KCTD7: variants seen among roughly 807,000 people sequenced by gnomAD.
KCTD7 encodes potassium channel tetramerization domain containing 7, also known as BTB/POZ domain-containing protein KCTD7.
Under a neutral mutation model 27.0 loss-of-function variants are expected in KCTD7, and 15 were observed. The observed-to-expected ratio is 0.56, with a 90% CI of 0.37 to 0.86. KCTD7 has a LOEUF of 0.86. Ranked by LOEUF, KCTD7 falls within the 40% of genes least tolerant of loss-of-function variation. The probability of loss-of-function intolerance (pLI) is 0.00; values close to 1 mark genes in which losing one functional copy is unlikely to be tolerated. For synonymous variants in KCTD7, 159 were observed against 162.7 expected, an observed-to-expected ratio of 0.98 and a Z score of 0.17; for missense variants, 299 against 398.9, an observed-to-expected ratio of 0.75 and a Z score of 2.13.
intron 3 of KCTD7, chr7:66,638,650 C>T (rs1786640607): frequency 1.2e-5 from 9 of 781,522 alleles, no homozygotes; most frequent in Non-Finnish European, 1.8e-5. Flanking sequence ...GAAGGACAGC[C>T]CTCGTCCCAT....
rs1051313975 is a variant in KCTD7, at chr7:66,641,600, G to A, written c.*2368G>A. On this transcript the variant is annotated 3_prime_UTR_variant, in exon 4 of 4. Transcript: ENST00000639828. Reference sequence around the variant, plus strand: ...AATCCCTGTTTCTCTGACTCCCTTTGTGATCCTCACAGTAATGTATTCTGT... The same window carrying A: ...AATCCCTGTTTCTCTGACTCCCTTTATGATCCTCACAGTAATGTATTCTGT... The A allele has an allele frequency of 1.0e-6, 1 of 985,298 alleles. No individual in the cohort carries two copies. The highest frequency in any genetic ancestry group is 1.2e-6 in the Non-Finnish European group (1 of 829,944). The allele number at this position is 985,298 out of a possible 1,614,324, so 61.0% of individuals were successfully genotyped here.
Position 66,628,994 on chromosome 7 carries a change from G to T in KCTD7, c.-71G>T, listed in dbSNP as rs1786377239. 2 of 1,430,038 alleles carry T rather than the reference G, an allele frequency of 1.4e-6. No homozygotes were observed. The highest frequency in any genetic ancestry group is 1.5e-5 in the African/African-American group (1 of 67,070). The allele number at this position is 1,430,038 out of a possible 1,614,324, so 88.6% of individuals were successfully genotyped here. On this transcript the variant is annotated 5_prime_UTR_variant, in exon 1 of 4. Transcript: ENST00000639828. ...GGCCGCGTCATGCCAGGCGCTGCTCGGCGGTAGGGAGTGCCCGGGGCCGCC... is the reference window on the plus strand; with the variant it reads ...GGCCGCGTCATGCCAGGCGCTGCTCTGCGGTAGGGAGTGCCCGGGGCCGCC...
At chr7:66,633,615 A>G (rs947473989) in intron 2 of KCTD7, among the ~76,000 whole-genome samples, 171 bp downstream of exon 2, 19 of 150,466 alleles carry the variant, frequency 1.3e-4, no homozygotes, top group Non-Finnish European at 2.4e-4. Flanking sequence ...TTTTTTGCCA[A>G]AGGAGACAAA....
intron 3 of KCTD7, 182 bp from the exon 4 acceptor site, chr7:66,638,674 C>T: frequency 1.2e-5 from 10 of 818,348 alleles, no homozygotes; most frequent in Non-Finnish European, 1.9e-5. Flanking sequence ...CTTCCCTTTG[C>T]TGTGGAGAAC....
Position 66,640,543 on chromosome 7 carries a change from G to A in KCTD7, c.*1311G>A. 2.0e-6 allele frequency: 3 copies of A among 1,471,796 alleles called. No individual in the cohort carries two copies. Among genetic ancestry groups the A allele is most frequent in the Non-Finnish European group, 1.8e-6 (2 of 1,116,088 alleles). The allele number at this position is 1,471,796 out of a possible 1,614,324, so 91.2% of individuals were successfully genotyped here. A position where few individuals can be genotyped will look rare whatever the true frequency, so the allele number is the denominator to read the frequency against. On this transcript the variant is annotated 3_prime_UTR_variant, in exon 4 of 4. Coordinates refer to ENST00000639828, the MANE Select transcript of KCTD7 (RefSeq NM_153033.5). ...GATCACAATGTAACATTTCCATGCTGCATTAAGGGTGTCTCTCTCTAATCA... is the reference window on the plus strand; with the variant it reads ...GATCACAATGTAACATTTCCATGCTACATTAAGGGTGTCTCTCTCTAATCA...
chr7:66,632,441 C>A (rs1320602638), intron 1 of KCTD7, among the ~76,000 whole-genome samples: 4 of 145,092 alleles, frequency 2.8e-5, no homozygotes, highest in Non-Finnish European at 6.0e-5. Context: ...GAGCCGAGAT[C>A]GCGCCACTGA....
chr7:66,640,213 C>T lies in KCTD7; in HGVS notation c.*981C>T, dbSNP rs1339451324. 2.1e-6 allele frequency: 3 copies of T among 1,447,632 alleles called. No individual in the cohort carries two copies. Among genetic ancestry groups the T allele is most frequent in the Non-Finnish European group, 2.7e-6 (3 of 1,108,370 alleles). The allele number at this position is 1,447,632 out of a possible 1,614,324, so 89.7% of individuals were successfully genotyped here. A position where few individuals can be genotyped will look rare whatever the true frequency, so the allele number is the denominator to read the frequency against. On this transcript the variant is annotated 3_prime_UTR_variant, in exon 4 of 4. Transcript: ENST00000639828. ...TAACATTCTCCTTCTAGGAGAGCCT[C>T]TCTTCTGAGAAGGTAAAGGAAGGGC...
At chr7:66,633,183 T>C in intron 1 of KCTD7, 92 bp from the exon 2 acceptor site, 1 of 1,278,692 alleles carries the variant, frequency 7.8e-7, no homozygotes. Context: ...ATGAATGGTG[T>C]GGCACCAATC....
Position 66,642,082 on chromosome 7 carries a change from G to T in KCTD7, c.*2850G>T. The T allele has an allele frequency of 1.0e-6, 1 of 985,416 alleles. No individual in the cohort carries two copies. The highest frequency in any genetic ancestry group is 1.2e-6 in the Non-Finnish European group (1 of 829,936). The allele number at this position is 985,416 out of a possible 1,614,324, so 61.0% of individuals were successfully genotyped here. On this transcript the variant is annotated 3_prime_UTR_variant, in exon 4 of 4. Coordinates refer to ENST00000639828, the MANE Select transcript of KCTD7 (RefSeq NM_153033.5). The stretch of plus-strand genomic sequence containing the variant: ...AGTCAAAGCAAAGTGAAAGTTTCAG[G>T]AGATGGGACCAATGGTGCAATGCTC...
At position 66,628,996 on chromosome 7, in the gene KCTD7, C is replaced by T. The variant is rs536230559; in HGVS notation, c.-69C>T. 3.1e-4 allele frequency: 448 copies of T among 1,438,066 alleles called. 2 individuals are homozygous for T. Among genetic ancestry groups the T allele is most frequent in the Middle Eastern group, 2.0e-3 (9 of 4,472 alleles). 89.1% of individuals were successfully genotyped at this position (1,438,066 alleles called of 1,614,324 possible). A position where few individuals can be genotyped will look rare whatever the true frequency, so the allele number is the denominator to read the frequency against. On this transcript the variant is annotated 5_prime_UTR_variant, in exon 1 of 4. Coordinates refer to ENST00000639828, the MANE Select transcript of KCTD7 (RefSeq NM_153033.5). ...CCGCGTCATGCCAGGCGCTGCTCGG[C>T]GGTAGGGAGTGCCCGGGGCCGCCGC...
chr7:66,638,608 C>A, intron 3 of KCTD7, 177 bp downstream of exon 3: 2 of 826,110 alleles, frequency 2.4e-6, no homozygotes, highest in Non-Finnish European at 3.8e-6. Context: ...GTGGGCCTAC[C>A]TGGCCTATGA....
At position 66,631,527 on chromosome 7, in the gene KCTD7, C is replaced by A. The variant is rs544224996; in HGVS notation, c.145-1748C>A. ...GAGGTTGCAGTGAACCGAGATCGTG[C>A]CATTGCACTCCAGCCTGGGTGTTGC... On this transcript the variant is annotated intron_variant, in intron 1 of 3. Transcript: ENST00000639828. 1.3e-4 allele frequency among the ~76,000 whole-genome samples: 19 copies of A among 151,128 alleles called. 1 individual carries two copies. In the South Asian group the frequency reaches 3.8e-3, roughly 30 times the overall value.
chr7:66,635,743 C>T (rs1409084382), intron 2 of KCTD7, among the ~76,000 whole-genome samples: 1 of 148,988 alleles, frequency 6.7e-6, no homozygotes, highest in Non-Finnish European at 1.5e-5. Flanking sequence ...AGTGGGCTAT[C>T]AGCTGCCTCC....
At chr7:66,630,170 G>T (rs1786413938) in intron 1 of KCTD7, among the ~76,000 whole-genome samples, 1 of 152,166 alleles carries the variant, frequency 6.6e-6, no homozygotes, top group Non-Finnish European at 1.5e-5. Flanking sequence ...AGGAAGGTGA[G>T]TTGGGAGGAT....
rs144828027 is a variant in KCTD7 at position 66,642,470 on chromosome 7, G to A, written c.*3238G>A. ...AAGTGACATTTATAAGACACAGGCG[G>A]TGTGAGCATCCATGTGTGGTCTTGG... On this transcript the variant is annotated 3_prime_UTR_variant, in exon 4 of 4. Coordinates refer to ENST00000639828, the MANE Select transcript of KCTD7 (RefSeq NM_153033.5). 4.8e-3 allele frequency: 4,754 copies of A among 985,446 alleles called. 13 individuals are homozygous for A. The highest frequency in any genetic ancestry group is 5.2e-3 in the Non-Finnish European group (4,319 of 829,942). The allele number at this position is 985,446 out of a possible 1,614,324, so 61.0% of individuals were successfully genotyped here. A position where few individuals can be genotyped will look rare whatever the true frequency, so the allele number is the denominator to read the frequency against.
chr7:66,632,418 C>T (rs1177735858), intron 1 of KCTD7, among the ~76,000 whole-genome samples: 12 of 144,320 alleles, frequency 8.3e-5, no homozygotes, highest in African/African-American at 2.6e-4. Flanking sequence ...ACCCGAGAGG[C>T]GGAGGTTGCA....
intron 2 of KCTD7, among the ~76,000 whole-genome samples, chr7:66,637,383 G>A (rs1786612187): frequency 6.6e-6 from 1 of 152,100 alleles, no homozygotes; most frequent in Non-Finnish European, 1.5e-5. Flanking sequence ...ACCGTGCCTG[G>A]CCTAAAGGTC....
Position 66,639,372 on chromosome 7 carries a change from G to C in KCTD7, c.*140G>C. 1.9e-6 allele frequency: 3 copies of C among 1,544,270 alleles called. No individual in the cohort carries two copies. Among genetic ancestry groups the C allele is most frequent in the Non-Finnish European group, 2.6e-6 (3 of 1,149,986 alleles). On this transcript the variant is annotated 3_prime_UTR_variant, in exon 4 of 4. Coordinates refer to ENST00000639828, the MANE Select transcript of KCTD7 (RefSeq NM_153033.5). Reference sequence around the variant, plus strand: ...CAGCATCCTGAGGCACAGCTCCCAGGGGACAGAGGTGTAGCTCCAATCTCC... The same window carrying C: ...CAGCATCCTGAGGCACAGCTCCCAGCGGACAGAGGTGTAGCTCCAATCTCC...
intron 1 of KCTD7, among the ~76,000 whole-genome samples, chr7:66,630,387 C>T (rs1258328808): frequency 6.6e-6 from 1 of 152,110 alleles, no homozygotes; most frequent in African/African-American, 2.4e-5. Context: ...GGCCAGGAGT[C>T]TGGGACCAGC....
Sources: allele counts gnomAD v4.1 joint callset (sites outside exome capture counted in the v4.1 genomes callset), GRCh38; gene constraint gnomAD v4.1.1; transcripts MANE v1.5; gene names NCBI Gene and HGNC (gene_info 2026-07-23, HGNC 2026-07-21).